Variants in PRKCD observed in about 807,000 individuals in gnomAD.
PRKCD encodes protein kinase C delta type.
In PRKCD, 20 loss-of-function variants were observed where a neutral mutation model predicts 82.2. The observed-to-expected ratio is 0.24, with a 90% CI of 0.17 to 0.35. The LOEUF (loss-of-function observed/expected upper bound fraction) is 0.35, where lower values mean the gene tolerates loss of function less well. Among genes scored for constraint, PRKCD ranks in the 10% least tolerant of loss-of-function variants. The probability of loss-of-function intolerance (pLI) is 1.00; values close to 1 mark genes in which losing one functional copy is unlikely to be tolerated. For missense variants in PRKCD, 607 were observed against 899.0 expected (o/e 0.68, Z 4.15); for synonymous variants, 317 against 337.0 (o/e 0.94, Z 0.65).
rs1553667519 is a variant in PRKCD at position 53,181,511 on chromosome 3, C to G, written c.444C>G (p.Ile148Met). Residue 148 changes from isoleucine (I) to methionine (M), a missense_variant, in exon 6 of 19, where the codon ATC (isoleucine) becomes ATG (methionine). Ile to Met is a conservative substitution (Grantham distance 10). Transcript: ENST00000330452. ...KFPTMNRRGA[I>M]KQAKIHYIKN... is the part of the protein sequence containing the mutation. ...CAACGATGAACCGCCGCGGAGCCAT[C>G]AAACAGGCCAAAATCCACTACATCA... is the stretch of plus-strand genomic sequence containing the variant. 6.2e-7 allele frequency: 1 copy of G among 1,614,246 alleles called. No homozygotes were observed. The highest frequency in any genetic ancestry group is 1.7e-5 in the Admixed American group (1 of 60,030).
intron 18 of PRKCD, 80 bp from the exon 19 acceptor site, chr3:53,192,028 C>A: frequency 2.0e-6 from 3 of 1,492,352 alleles, no homozygotes; most frequent in Non-Finnish European, 1.9e-6. Flanking sequence ...CCTGGCCCAG[C>A]CCTGCAGGGA....
At chr3:53,181,362 T>G in intron 5 of PRKCD, 82 bp from the exon 6 acceptor site, 1 of 1,609,102 alleles carries the variant, frequency 6.2e-7, no homozygotes, top group Non-Finnish European at 8.5e-7. Flanking sequence ...GGCAGAGCTG[T>G]CCAGGACCAC....
At chr3:53,188,187 CAA>C (rs557772373) in intron 15 of PRKCD, among the ~76,000 whole-genome samples, 500 of 45,500 alleles carry the variant, frequency 0.011, 4 homozygotes, top group Middle Eastern at 0.056. Flanking sequence ...GACTGTGTCT[CAA>C]AAAAAAAAAA....
Position 53,171,214 on chromosome 3 carries a change from G to T in PRKCD, c.-20+5999G>T, listed in dbSNP as rs1397852921. On this transcript the variant is annotated intron_variant, in intron 2 of 18. Transcript: ENST00000330452. ...AAGGGGCCTTTGTTCCTCTCTCAGG[G>T]GTACCTGGGGCACCGCCCTCTGACT... 2.6e-5 allele frequency among the ~76,000 whole-genome samples: 4 copies of T among 152,166 alleles called. No individual in the cohort carries two copies. In the East Asian group the frequency reaches 7.7e-4, roughly 29 times the overall value.
chr3:53,186,095 G>C, intron 12 of PRKCD, 68 bp downstream of exon 12: 1 of 1,608,674 alleles, frequency 6.2e-7, no homozygotes, highest in Non-Finnish European at 8.5e-7. Flanking sequence ...GGTGGCTGAG[G>C]TGGGAGTCTG....
In PRKCD at chr3:53,184,968, C is replaced by A. The variant is rs782595191; in HGVS notation, c.882C>A (p.Val294=). The A allele has an allele frequency of 1.2e-6, 2 of 1,613,920 alleles. No individual in the cohort carries two copies. The highest frequency in any genetic ancestry group is 2.2e-5 in the South Asian group (2 of 91,024). ...QKLLAEALNQ[V]TQRASRRSDS... ...TTTTGGCTGAGGCCTTGAACCAAGT[C>A]ACCCAGGTGGGCAGGTGCCATGGGG... is the stretch of plus-strand genomic sequence containing the variant. The change falls in exon 10 of 19, where the codon GTC becomes GTA. Residue 294 remains valine, a synonymous_variant. Transcript: ENST00000330452.
chr3:53,187,850 C>G (rs1553669637), intron 15 of PRKCD, among the ~76,000 whole-genome samples: 2 of 152,038 alleles, frequency 1.3e-5, no homozygotes, highest in African/African-American at 4.8e-5. Context: ...GAAAAACAAC[C>G]TGTGGGAAAG....
At chr3:53,180,175 G>A (rs2107259039) in intron 4 of PRKCD, among the ~76,000 whole-genome samples, 1 of 152,274 alleles carries the variant, frequency 6.6e-6, no homozygotes, top group Middle Eastern at 3.4e-3. Context: ...TGGAAAGGCA[G>A]GATATGCACA....
chr3:53,189,156 T>C lies in PRKCD; in HGVS notation c.1653T>C (p.Asp551=), dbSNP rs782559465. 2 of 1,614,158 alleles carry C rather than the reference T, an allele frequency of 1.2e-6. No individual in the cohort carries two copies. Among genetic ancestry groups the C allele is most frequent in the South Asian group, 2.2e-5 (2 of 91,080 alleles). The change falls in exon 17 of 19, where the codon GAT becomes GAC. Residue 551 remains aspartate, a synonymous_variant. Transcript: ENST00000330452. ...TTGGCCAGTCCCCCTTCCATGGTGA[T>C]GATGAGGATGAACTCTTCGAGTCCA... is the stretch of plus-strand genomic sequence containing the variant. ...MLIGQSPFHG[D]DEDELFESIR...
chr3:53,162,020 C>G lies in PRKCD; in HGVS notation c.-132+592C>G, dbSNP rs921476976. Reference sequence around the variant, plus strand: ...CGGGCCTCGCCTCCCGCCCCTGGGTCCCTGGAGGCCCGACCCGCGCGGCGC... The same window carrying G: ...CGGGCCTCGCCTCCCGCCCCTGGGTGCCTGGAGGCCCGACCCGCGCGGCGC... On this transcript the variant is annotated intron_variant, in intron 1 of 18. Transcript: ENST00000330452. Among the ~76,000 whole-genome samples the G allele has an allele frequency of 6.6e-5, 10 of 151,904 alleles. No individual in the cohort carries two copies. In the East Asian group the frequency reaches 7.8e-4, roughly 12 times the overall value.
chr3:53,182,540 A>C (rs1489675025), intron 7 of PRKCD, among the ~76,000 whole-genome samples: 2 of 152,190 alleles, frequency 1.3e-5, no homozygotes, highest in Non-Finnish European at 2.9e-5. Context: ...AAGTGCTGGG[A>C]TTATAGGCGT....
intron 2 of PRKCD, among the ~76,000 whole-genome samples, chr3:53,177,557 T>G (rs1553666127): frequency 6.6e-6 from 1 of 152,074 alleles, no homozygotes; most frequent in Admixed American, 6.6e-5. Context: ...TGGGTAGTTA[T>G]GAAGAAAAAA....
chr3:53,161,864 A>T (rs1360433106), intron 1 of PRKCD, among the ~76,000 whole-genome samples: 1 of 33,580 alleles, frequency 3.0e-5, no homozygotes, highest in Non-Finnish European at 6.3e-5. Context: ...ACCCCCACCC[A>T]CACCCCTACC....
At chr3:53,184,195 C>T (rs898198056) in intron 9 of PRKCD, among the ~76,000 whole-genome samples, 12 of 151,658 alleles carry the variant, frequency 7.9e-5, no homozygotes, top group Admixed American at 2.0e-4. Flanking sequence ...ATTAGCCTGG[C>T]GTGGTGGCGG....
intron 2 of PRKCD, 134 bp from the exon 3 acceptor site, chr3:53,178,270 C>A: frequency 1.8e-6 from 1 of 556,310 alleles, no homozygotes; most frequent in Non-Finnish European, 3.2e-6. Flanking sequence ...GCAACTGAGA[C>A]TAGTGTGTGT....
Position 53,178,405 on chromosome 3 carries a change from C to A in PRKCD, c.-18C>A. 1.2e-6 allele frequency: 2 copies of A among 1,604,834 alleles called. No homozygotes were observed. The highest frequency in any genetic ancestry group is 1.7e-6 in the Non-Finnish European group (2 of 1,175,468). On this transcript the variant is annotated splice_region_variant and 5_prime_UTR_variant, in exon 3 of 19. Transcript: ENST00000330452. ...GGCCTCACCCCTCTGTGTGCACAGC[C>A]CCACTGCAGGCCCCACCATGGCGCC...
chr3:53,186,541 G>A (rs1294533963), intron 13 of PRKCD, 63 bp from the exon 14 acceptor site: 2 of 1,475,130 alleles, frequency 1.4e-6, no homozygotes, highest in African/African-American at 1.4e-5. Context: ...TGGCCCCAGT[G>A]GCCCTCAGTG....
intron 5 of PRKCD, 66 bp downstream of exon 5, chr3:53,181,333 T>A: frequency 6.2e-7 from 1 of 1,608,170 alleles, no homozygotes; most frequent in Admixed American, 1.7e-5. Flanking sequence ...CACTGAGGTG[T>A]AGGGAAGCTG....
Position 53,186,209 on chromosome 3 carries a change from A to G in PRKCD, c.1129A>G (p.Ile377Val), listed in dbSNP as rs1244102399. 2 of 1,614,150 alleles carry G rather than the reference A, an allele frequency of 1.2e-6. No homozygotes were observed. The highest frequency in any genetic ancestry group is 1.7e-6 in the Non-Finnish European group (2 of 1,179,998). ...ELKGRGEYFAIKALKKDVVLI... is the reference protein window; with the variant it reads ...ELKGRGEYFAVKALKKDVVLI... ...GAAGGGCAGAGGAGAGTACTTTGCC[A>G]TCAAGGCCCTCAAGAAGGATGTGGT... The change falls in exon 13 of 19, where the codon ATC becomes GTC. Residue 377 changes from isoleucine (I) to valine (V), a missense_variant. Physicochemically the swap from Ile to Val is conservative, Grantham distance 29 (BLOSUM62 3). Coordinates refer to ENST00000330452, the MANE Select transcript of PRKCD (RefSeq NM_006254.4).
Sources: gnomAD v4.1 joint callset for allele counts (sites outside exome capture counted in the v4.1 genomes callset) on GRCh38, gnomAD v4.1.1 for gene constraint, MANE v1.5 for transcripts, NCBI Gene and HGNC (gene_info 2026-07-23, HGNC 2026-07-21) for gene names.